Variants in TACC2 observed in about 807,000 individuals in gnomAD.
TACC2 encodes the protein transforming acidic coiled-coil containing protein 2, also known as transforming acidic coiled-coil-containing protein 2.
Under a neutral mutation model 227.3 loss-of-function variants are expected in TACC2, and 137 were observed. The ratio of observed to expected loss-of-function variants is 0.60; its 90% CI spans 0.52 to 0.69. The LOEUF (loss-of-function observed/expected upper bound fraction) is 0.69, where lower values mean the gene tolerates loss of function less well. Among genes scored for constraint, TACC2 ranks in the 30% least tolerant of loss-of-function variants. The probability of loss-of-function intolerance (pLI) is 0.00; values close to 1 mark genes in which losing one functional copy is unlikely to be tolerated. For synonymous variants in TACC2, 1,523 were observed against 1,487.5 expected (o/e 1.02, Z -0.55); for missense variants, 3,470 against 3,694.4 (o/e 0.94, Z 1.57).
intron 7 of TACC2, among the ~76,000 whole-genome samples, chr10:122,170,898 C>T (rs1014640928): frequency 3.9e-5 from 6 of 152,186 alleles, no homozygotes; most frequent in African/African-American, 1.4e-4. Flanking sequence ...TGCTCCGTCC[C>T]TTGGCTGGTC....
At chr10:122,144,786 T>C (rs2091148392) in intron 7 of TACC2, among the ~76,000 whole-genome samples, 1 of 152,192 alleles carries the variant, frequency 6.6e-6, no homozygotes, top group African/African-American at 2.4e-5. Flanking sequence ...CTCTGTCCTG[T>C]ATCTCCTGGC....
At chr10:122,250,059 G>A (rs1192151477) in intron 22 of TACC2, among the ~76,000 whole-genome samples, 1 of 152,244 alleles carries the variant, frequency 6.6e-6, no homozygotes, top group Non-Finnish European at 1.5e-5. Flanking sequence ...TGCAGAACAT[G>A]AGCAGTGTCA....
chr10:122,034,321 A>G (rs1264809272), intron 2 of TACC2, among the ~76,000 whole-genome samples: 2 of 152,140 alleles, frequency 1.3e-5, no homozygotes, highest in African/African-American at 2.4e-5. Flanking sequence ...ACATGAGTTC[A>G]TCTGCTTCTC....
intron 11 of TACC2, among the ~76,000 whole-genome samples, chr10:122,218,808 C>T (rs895462056): frequency 2.0e-5 from 3 of 151,548 alleles, no homozygotes; most frequent in Admixed American, 2.0e-4. Context: ...GAGCTCAAGA[C>T]CCAGGTGTTC....
chr10:122,222,914 A>G (rs1228457009), intron 11 of TACC2, among the ~76,000 whole-genome samples: 1 of 152,122 alleles, frequency 6.6e-6, no homozygotes. Flanking sequence ...TATTTTCTCA[A>G]CTTAAACAGC....
chr10:122,035,815 C>G (rs1270496128), intron 2 of TACC2, among the ~76,000 whole-genome samples: 1 of 151,980 alleles, frequency 6.6e-6, no homozygotes, highest in Admixed American at 6.6e-5. Context: ...TTTCCTCTTT[C>G]CCTCCTTCCT....
Position 122,194,162 on chromosome 10 carries a change from G to C in TACC2, c.5835-878G>C, listed in dbSNP as rs1421605171. Among the ~76,000 whole-genome samples the C allele has an allele frequency of 2.0e-5, 3 of 152,108 alleles. No individual in the cohort carries two copies. The highest frequency in any genetic ancestry group is 2.9e-5 in the Non-Finnish European group (2 of 68,020). Reference sequence around the variant, plus strand: ...TGGTCTCAAATGCCTGACATCAAGCGATCCTCCCACCTGAGTCTCCCAAAG... The same window carrying C: ...TGGTCTCAAATGCCTGACATCAAGCCATCCTCCCACCTGAGTCTCCCAAAG... On this transcript the variant is annotated intron_variant, in intron 7 of 22. Transcript: ENST00000369005. The surrounding 1 kb of genome is among the most constrained non-coding windows in gnomAD (Gnocchi z 4.4).
chr10:122,227,466 A>C (rs1377423489), intron 13 of TACC2, among the ~76,000 whole-genome samples: 1 of 152,214 alleles, frequency 6.6e-6, no homozygotes, highest in Non-Finnish European at 1.5e-5. Context: ...GTACCACATT[A>C]AGTGCTTTAC....
rs768159687 is a variant in TACC2, at chr10:122,084,959, A to G, written c.2459A>G (p.Glu820Gly). The G allele has an allele frequency of 2.5e-6, 4 of 1,614,174 alleles. No homozygotes were observed. The highest frequency in any genetic ancestry group is 3.4e-6 in the Non-Finnish European group (4 of 1,180,034). Residue 820 changes from glutamate (E) to glycine (G), a missense_variant, in exon 4 of 23, where the codon GAG (glutamate) becomes GGG (glycine). Around this residue, in one of 10 missense-constraint regions of TACC2, gnomAD observed 1,924 missense variants for 1,978.3 expected, o/e 0.97. Transcript: ENST00000369005. Reference sequence around the variant, plus strand: ...GGCTGGATAAGAGGAGCTGCATCCGAGTGGCCCCTACTATCTTCTGAGAAG... The same window carrying G: ...GGCTGGATAAGAGGAGCTGCATCCGGGTGGCCCCTACTATCTTCTGAGAAG... The part of the protein sequence containing the change: ...GEGWIRGAAS[E>G]WPLLSSEKHL...
chr10:121,998,579 G>A (rs865897274), intron 1 of TACC2, among the ~76,000 whole-genome samples: 1 of 152,134 alleles, frequency 6.6e-6, no homozygotes, highest in Non-Finnish European at 1.5e-5. Flanking sequence ...ATTAATGAGG[G>A]TGTTTAAAAT....
chr10:122,229,883 A>G (rs923172562), intron 15 of TACC2, among the ~76,000 whole-genome samples: 19 of 152,204 alleles, frequency 1.2e-4, no homozygotes, highest in African/African-American at 4.6e-4. Flanking sequence ...TCAGTCTTGC[A>G]TCTGGAACCA....
intron 9 of TACC2, 37 bp downstream of exon 9, chr10:122,211,745 G>T: frequency 6.6e-7 from 1 of 1,508,204 alleles, no homozygotes; most frequent in Non-Finnish European, 8.9e-7. Context: ...GATCAGAGGC[G>T]GGGGTGCGCA....
rs148136729 is a variant in TACC2 at position 122,140,197 on chromosome 10, C to T, written c.5700-3375C>T. 3.6e-3 allele frequency among the ~76,000 whole-genome samples: 546 copies of T among 152,280 alleles called. 3 individuals carry two copies. Among genetic ancestry groups the T allele is most frequent in the African/African-American group, 0.013 (528 of 41,546 alleles). ...CTCTTCAGATCCATCGTCTCTGATC[C>T]ATTGGTAATGGTTCTCTAGGGATCT... On this transcript the variant is annotated intron_variant, in intron 6 of 22. Transcript: ENST00000369005.
intron 3 of TACC2, among the ~76,000 whole-genome samples, chr10:122,058,974 C>A (rs1445546440): frequency 6.6e-6 from 1 of 151,036 alleles, no homozygotes; most frequent in Non-Finnish European, 1.5e-5. Flanking sequence ...CTCACTGCAA[C>A]CTCCACCTCC....
rs2095060842 is a variant in TACC2, at chr10:122,205,154, T to C, written c.5972-5243T>C. Among the ~76,000 whole-genome samples the C allele has an allele frequency of 6.6e-6, 1 of 152,230 alleles. No individual in the cohort carries two copies. Among genetic ancestry groups the C allele is most frequent in the Non-Finnish European group, 1.5e-5 (1 of 68,038 alleles). On this transcript the variant is annotated intron_variant, in intron 8 of 22. Coordinates refer to ENST00000369005, the MANE Select transcript of TACC2 (RefSeq NM_206862.4). This position sits in a 1 kb window ranked among gnomAD's most constrained non-coding sequence, Gnocchi z 4.5. ...TCCCCACAGTGCCTCGACGGCACTT[T>C]TCCCTCTTGGTTTCTGGGAATTGAA...
Position 122,209,066 on chromosome 10 carries a change from A to G in TACC2, c.5972-1331A>G, listed in dbSNP as rs949626544. ...TGAGCATCATTTGGCCAACATTTGC[A>G]GCATCTGCAGCATGTTTGGGAAATA... On this transcript the variant is annotated intron_variant, in intron 8 of 22. Coordinates refer to ENST00000369005, the MANE Select transcript of TACC2 (RefSeq NM_206862.4). The surrounding 1 kb of genome is among the most constrained non-coding windows in gnomAD (Gnocchi z 4.5). 6.6e-6 allele frequency among the ~76,000 whole-genome samples: 1 copy of G among 152,214 alleles called. No homozygotes were observed. The highest frequency in any genetic ancestry group is 2.4e-5 in the African/African-American group (1 of 41,460).
At chr10:122,089,327 A>G (rs997816835) in intron 5 of TACC2, among the ~76,000 whole-genome samples, 6 of 152,134 alleles carry the variant, frequency 3.9e-5, no homozygotes, top group African/African-American at 7.2e-5. Context: ...CCATTCATCT[A>G]GTTCATTACA....
At chr10:122,105,942 CTCTGTG>C (rs1254376437) in intron 5 of TACC2, among the ~76,000 whole-genome samples, 1 of 109,762 alleles carries the variant, frequency 9.1e-6, no homozygotes, top group South Asian at 2.8e-4. Context: ...CATTTTCTCT[CTCTGTG>C]TGTGTGTGTG....
chr10:122,106,596 T>C (rs1026344588), intron 5 of TACC2, among the ~76,000 whole-genome samples: 1 of 152,226 alleles, frequency 6.6e-6, no homozygotes, highest in Non-Finnish European at 1.5e-5. Flanking sequence ...AGGCACTGAT[T>C]TGCCTTTTGT....
Sources: allele counts gnomAD v4.1 joint callset (sites outside exome capture counted in the v4.1 genomes callset), GRCh38; gene constraint gnomAD v4.1.1; regional missense constraint gnomAD v4.1.1; non-coding constraint Gnocchi (gnomAD v3.1); transcripts MANE v1.5; gene names NCBI Gene and HGNC (gene_info 2026-07-23, HGNC 2026-07-21).